Variants in MEF2B observed in about 807,000 individuals in gnomAD.
MEF2B encodes myocyte-specific enhancer factor 2B.
A neutral mutation model predicts 32.2 loss-of-function variants in MEF2B; 15 were observed. The observed-to-expected ratio is 0.47, with a 90% confidence interval of 0.31 to 0.72. The LOEUF (loss-of-function observed/expected upper bound fraction) is 0.72, where lower values mean the gene tolerates loss of function less well. Ranked by LOEUF, MEF2B falls within the 30% of genes least tolerant of loss-of-function variation. The pLI is 0.05. For synonymous variants in MEF2B, 205 were observed against 225.6 expected (o/e 0.91, Z 0.82); for missense variants, 441 against 511.5 (o/e 0.86, Z 1.33).
chr19:19,159,216 C>T (rs1433270941), intron 1 of MEF2B, among the ~76,000 whole-genome samples: 3 of 126,510 alleles, frequency 2.4e-5, no homozygotes, highest in Non-Finnish European at 1.6e-5. Context: ...GCTGGGATTA[C>T]AGGCGTGAGC....
At chr19:19,168,303 C>T (rs775635177) in intron 1 of MEF2B, among the ~76,000 whole-genome samples, 6 of 108,402 alleles carry the variant, frequency 5.5e-5, no homozygotes, top group Non-Finnish European at 8.8e-5. Flanking sequence ...GATGGAGTTT[C>T]ACTCTTGTTG....
chr19:19,151,240 C>A (rs2060077634), intron 1 of MEF2B, among the ~76,000 whole-genome samples: 1 of 151,974 alleles, frequency 6.6e-6, no homozygotes, highest in Non-Finnish European at 1.5e-5. Context: ...GCAACAGAGA[C>A]CCAGTCTTTA....
In MEF2B at chr19:19,147,810, C is replaced by T; in HGVS notation, c.281G>A (p.Gly94Asp). The change falls in exon 4 of 9, where the codon GGC (glycine) becomes GAC (aspartate). Residue 94 changes from glycine to aspartate, a missense_variant. By Grantham distance (94) the Gly-to-Asp change is moderately conservative. Transcript: ENST00000424583. ...ILETLKRRGI[G>D]LDGPELEPDE... ...CGGCTCCAGCTCTGGCCCATCGAGG[C>T]CAATGCCCCTCCGCTTCAGCGTCTA... The T allele has an allele frequency of 6.2e-7, 1 of 1,613,554 alleles. No homozygotes were observed.
At chr19:19,150,182 GGGAAGGAA>G (rs762140000) in intron 2 of MEF2B, among the ~76,000 whole-genome samples, 1,591 of 110,134 alleles carry the variant, frequency 0.014, 27 homozygotes, top group African/African-American at 0.048. Context: ...GAGGGAGGGA[GGGAAGGAA>G]GGAAGGAAGG....
rs1456388364 is a variant in MEF2B at position 19,152,163 on chromosome 19, G to T, written c.-29-1399C>A. Among the ~76,000 whole-genome samples the T allele has an allele frequency of 2.0e-5, 3 of 151,454 alleles. No homozygotes were observed. The South Asian group carries it at 6.2e-4, about 31-fold the overall frequency. The stretch of plus-strand genomic sequence containing the variant: ...TTTAGTAGAGACGAGGTTTCACCAT[G>T]TTGGTCAGGCTGGTCTCAAACTCCC... On this transcript the variant is annotated intron_variant, in intron 1 of 8. Transcript: ENST00000424583.
At chr19:19,158,498 C>T (rs1471473139) in intron 1 of MEF2B, among the ~76,000 whole-genome samples, 1 of 149,014 alleles carries the variant, frequency 6.7e-6, no homozygotes, top group African/African-American at 2.5e-5. Context: ...TGGCTCACGC[C>T]TGTAATCCCA....
At chr19:19,154,402 T>TCCG (rs1236975639) in intron 1 of MEF2B, among the ~76,000 whole-genome samples, 1 of 152,086 alleles carries the variant, frequency 6.6e-6, no homozygotes, top group Admixed American at 6.6e-5. Flanking sequence ...GACCTCATGA[T>TCCG]CCGCCCGCCT....
chr19:19,145,962 G>C lies in MEF2B; in HGVS notation c.942C>G (p.Pro314=). The part of the protein sequence containing the change: ...PPTRGASPPT[P]PVSIKSERLS... ...GGCGCTCAGACTTGATGCTGACTGGGGGGGTCGGCGGGGAGGCGCCGCGGG... is the reference window on the plus strand; with the variant it reads ...GGCGCTCAGACTTGATGCTGACTGGCGGGGTCGGCGGGGAGGCGCCGCGGG... The change falls in exon 9 of 9, where the codon CCC becomes CCG. Residue 314 remains proline, a synonymous_variant. Coordinates refer to ENST00000424583, the MANE Select transcript of MEF2B (RefSeq NM_001145785.2). This position sits in a 1 kb window ranked among gnomAD's most constrained non-coding sequence, Gnocchi z 4.6. The C allele has an allele frequency of 6.9e-7, 1 of 1,442,428 alleles. No homozygotes were observed. The allele number at this position is 1,442,428 out of a possible 1,614,324, so 89.4% of individuals were successfully genotyped here.
At chr19:19,167,375 AG>A (rs34555776) in intron 1 of MEF2B, among the ~76,000 whole-genome samples, 47,355 of 140,248 alleles carry the variant, frequency 0.34, 8,428 homozygotes, top group Non-Finnish European at 0.39. Flanking sequence ...AAAAAAAATT[AG>A]CTGGGTGTGC....
chr19:19,151,575 G>A (rs2060080064), intron 1 of MEF2B, among the ~76,000 whole-genome samples: 1 of 152,112 alleles, frequency 6.6e-6, no homozygotes, highest in Admixed American at 6.6e-5. Flanking sequence ...CACCACAGGG[G>A]ACGTCCCCGC....
chr19:19,154,416 C>A (rs969768631), intron 1 of MEF2B, among the ~76,000 whole-genome samples: 3 of 152,172 alleles, frequency 2.0e-5, no homozygotes, highest in Admixed American at 6.5e-5. Flanking sequence ...CCCGCCTTGG[C>A]CTCCCAAAGT....
intron 7 of MEF2B, 36 bp from the exon 8 acceptor site, chr19:19,146,420 TCTC>T (rs1437017490): frequency 1.5e-5 from 17 of 1,114,160 alleles, no homozygotes; most frequent in Non-Finnish European, 2.0e-5. Flanking sequence ...GGCCTGGACA[TCTC>T]CTTAAGCCTT....
rs2146348643 is a variant in MEF2B, at chr19:19,145,957, A to G, written c.947T>C (p.Val316Ala). Residue 316 changes from valine to alanine, a missense_variant, in exon 9 of 9, where the codon GTC becomes GCC. Physicochemically the swap from Val to Ala is moderately conservative, Grantham distance 64. This residue lies in a region of MEF2B where 326 missense variants were observed against 328.4 expected (regional missense o/e 0.99). Transcript: ENST00000424583. This position sits in a 1 kb window ranked among gnomAD's most constrained non-coding sequence, Gnocchi z 4.6. ...AGAGAGGCGCTCAGACTTGATGCTG[A>G]CTGGGGGGGTCGGCGGGGAGGCGCC... ...TRGASPPTPP[V>A]SIKSERLSPA... 7.0e-7 allele frequency: 1 copy of G among 1,437,676 alleles called. No homozygotes were observed. The highest frequency in any genetic ancestry group is 1.5e-5 in the South Asian group (1 of 67,278). The allele number at this position is 1,437,676 out of a possible 1,614,324, so 89.1% of individuals were successfully genotyped here.
chr19:19,167,508 C>A (rs954974520), intron 1 of MEF2B, among the ~76,000 whole-genome samples: 5 of 152,022 alleles, frequency 3.3e-5, no homozygotes, highest in African/African-American at 1.2e-4. Context: ...GGCAACAGAG[C>A]AAGATGCTGT....
intron 1 of MEF2B, among the ~76,000 whole-genome samples, chr19:19,160,517 G>T (rs117789611): frequency 2.0e-5 from 3 of 152,002 alleles, no homozygotes; most frequent in East Asian, 1.9e-4. Context: ...GGACTTTACT[G>T]GGGGGATGAG....
chr19:19,157,380 C>G (rs2060127368), intron 1 of MEF2B: 1 of 152,490 alleles, frequency 6.6e-6, no homozygotes. Context: ...CTGGTCAACA[C>G]TTTCTTGTTG....
rs1203477935 is a variant in MEF2B at position 19,148,537 on chromosome 19, G to A, written c.258+689C>T. ...TGCCTTCTCCTGGGGCCACAGAACCGCATGCTCCCGGACCCCAACCTCTTC... is the reference window on the plus strand; with the variant it reads ...TGCCTTCTCCTGGGGCCACAGAACCACATGCTCCCGGACCCCAACCTCTTC... On this transcript the variant is annotated intron_variant, in intron 3 of 8. Coordinates refer to ENST00000424583, the MANE Select transcript of MEF2B (RefSeq NM_001145785.2). Among the ~76,000 whole-genome samples, 7 of 152,018 alleles carry A rather than the reference G, an allele frequency of 4.6e-5. No homozygotes were observed. The East Asian group carries it at 5.8e-4, about 13-fold the overall frequency.
intron 3 of MEF2B, among the ~76,000 whole-genome samples, chr19:19,148,049 G>A (rs946760093): frequency 6.6e-5 from 10 of 152,256 alleles, no homozygotes; most frequent in Non-Finnish European, 1.3e-4. Flanking sequence ...GACCTGCCCA[G>A]ATCAACACAG....
chr19:19,161,690 G>A (rs1419968734), intron 1 of MEF2B, among the ~76,000 whole-genome samples: 6 of 136,664 alleles, frequency 4.4e-5, no homozygotes, highest in Non-Finnish European at 6.2e-5. Context: ...CCCGCCAGAC[G>A]CATGCAGACT....
Sources: gnomAD v4.1 joint callset for allele counts (sites outside exome capture counted in the v4.1 genomes callset) on GRCh38, gnomAD v4.1.1 for gene constraint, gnomAD v4.1.1 regional missense constraint, Gnocchi (gnomAD v3.1) non-coding constraint, MANE v1.5 for transcripts, NCBI Gene and HGNC (gene_info 2026-07-23, HGNC 2026-07-21) for gene names.